The following FBXW5 variants were observed in gnomAD, a reference collection of about 807,000 sequenced individuals.
The protein encoded by FBXW5 is F-box/WD repeat-containing protein 5.
FBXW5 carries 74 observed loss-of-function variants against 50.9 expected under a neutral mutation model. That is an observed-to-expected ratio of 1.45 (90% confidence interval 1.20 to 1.76). The LOEUF (loss-of-function observed/expected upper bound fraction) is 1.76, where lower values mean the gene tolerates loss of function less well. Among genes scored for constraint, FBXW5 ranks in the 40% most tolerant of loss-of-function variants. The pLI is 0.00. For synonymous variants in FBXW5, 523 were observed against 362.2 expected (o/e 1.44, Z -5.04); for missense variants, 1,073 against 818.8 (o/e 1.31, Z -3.79).
At position 136,942,296 on chromosome 9, in the gene FBXW5, C is replaced by T. The variant is rs539302134; in HGVS notation, c.846G>A (p.Leu282=). 3.1e-6 allele frequency: 5 copies of T among 1,593,768 alleles called. No homozygotes were observed. The highest frequency in any genetic ancestry group is 2.3e-5 in the East Asian group (1 of 43,846). ...PATSPCRIFD[L]GSDNEEVVAG... ...CCACCACCTCCTCGTTGTCGCTGCC[C>T]AGGTCAAAGATGCGGCAGGGGGACG... is the stretch of plus-strand genomic sequence containing the variant. Residue 282 remains leucine, a synonymous_variant, in exon 6 of 9, where the codon CTG becomes CTA. Transcript: ENST00000325285.
In FBXW5 at chr9:136,940,494, C is replaced by G. The variant is rs1294344626; in HGVS notation, c.*434G>C. On this transcript the variant is annotated 3_prime_UTR_variant, in exon 9 of 9. Transcript: ENST00000325285. The stretch of plus-strand genomic sequence containing the variant: ...GGGTGGTGCGTGGACATGCAACACA[C>G]TCGGGCCCACAGCAGCGTGACCGGC... 4.0e-6 allele frequency: 1 copy of G among 250,608 alleles called. No individual in the cohort carries two copies. The highest frequency in any genetic ancestry group is 2.2e-5 in the African/African-American group (1 of 45,386). 15.5% of individuals were successfully genotyped at this position (250,608 alleles called of 1,614,324 possible).
chr9:136,942,739 G>C, intron 4 of FBXW5, 30 bp downstream of exon 4: 1 of 1,611,832 alleles, frequency 6.2e-7, no homozygotes, highest in Non-Finnish European at 8.5e-7. Flanking sequence ...CGTGGGGCGG[G>C]GGCAGGGTCA....
chr9:136,941,815 G>A (rs1376944748), intron 6 of FBXW5, 131 bp from the exon 7 acceptor site: 2 of 1,444,188 alleles, frequency 1.4e-6, no homozygotes, highest in Non-Finnish European at 1.8e-6. Flanking sequence ...CCTGCTCCGG[G>A]GGCCCCAGAC....
chr9:136,942,396 A>C lies in FBXW5; in HGVS notation c.746T>G (p.Val249Gly). The C allele has an allele frequency of 6.2e-7, 1 of 1,611,204 alleles. No homozygotes were observed. Among genetic ancestry groups the C allele is most frequent in the Non-Finnish European group, 8.5e-7 (1 of 1,178,878 alleles). Residue 249 changes from valine to glycine, a missense_variant, in exon 6 of 9, where the codon GTC (valine) becomes GGC (glycine). Transcript: ENST00000325285. Reference sequence around the variant, plus strand: ...GCAGTCGGCCACCATCACCGTGCGGACGGTGCTGGCATTGAGGTTCTGGAT... The same window carrying C: ...GCAGTCGGCCACCATCACCGTGCGGCCGGTGCTGGCATTGAGGTTCTGGAT... Reference protein sequence around the residue: ...FKIQNLNASTVRTVMVADCSR... With the variant: ...FKIQNLNASTGRTVMVADCSR...
Position 136,941,433 on chromosome 9 carries a change from G to A in FBXW5, c.1275C>T (p.Pro425=). ...RYLYVNSRAW[P]NGAVVADPMQ... ...TGGGGTCGGCCACCACCGCACCGTT[G>A]GGCCAGGCGCGGCTGTTCACGTACA... Residue 425 remains proline, a synonymous_variant, in exon 8 of 9, where the codon CCC becomes CCT. Transcript: ENST00000325285. The A allele has an allele frequency of 1.9e-6, 3 of 1,609,038 alleles. No homozygotes were observed. Among genetic ancestry groups the A allele is most frequent in the Non-Finnish European group, 1.7e-6 (2 of 1,179,862 alleles).
Position 136,942,039 on chromosome 9 carries a change from G to A in FBXW5, c.1096+7C>T, listed in dbSNP as rs1387280694. The A allele has an allele frequency of 6.2e-7, 1 of 1,600,532 alleles. No individual in the cohort carries two copies. Among genetic ancestry groups the A allele is most frequent in the Non-Finnish European group, 8.5e-7 (1 of 1,170,436 alleles). ...CCGAGGCGGGCAGCATGGCGGCAGGGGTGTACCGATCTGGTGTGGGGAGTA... is the reference window on the plus strand; with the variant it reads ...CCGAGGCGGGCAGCATGGCGGCAGGAGTGTACCGATCTGGTGTGGGGAGTA... On this transcript the variant is annotated splice_region_variant and intron_variant, in intron 6 of 8. Transcript: ENST00000325285.
rs970558782 is a variant in FBXW5, at chr9:136,942,967, T to C, written c.352-24A>G. The C allele has an allele frequency of 1.4e-5, 23 of 1,611,702 alleles. No homozygotes were observed. The Middle Eastern group carries it at 8.3e-4, about 58-fold the overall frequency. Reference sequence around the variant, plus strand: ...ATCTGTTCGGCAGGGGCGGCTGTAGTGATCGCCTGGCCAGGTCGCGGGGCG... The same window carrying C: ...ATCTGTTCGGCAGGGGCGGCTGTAGCGATCGCCTGGCCAGGTCGCGGGGCG... On this transcript the variant is annotated intron_variant, in intron 3 of 8. Transcript: ENST00000325285.
At chr9:136,943,848 C>A (rs1237981502) in intron 2 of FBXW5, 43 bp downstream of exon 2, 2 of 1,540,648 alleles carry the variant, frequency 1.3e-6, no homozygotes, top group Admixed American at 4.0e-5. Flanking sequence ...GGGCCCGGGG[C>A]CCTGGCTGCA....
intron 3 of FBXW5, 101 bp downstream of exon 3, chr9:136,943,248 A>C (rs1379503881): frequency 0.021 from 14,748 of 712,832 alleles, no homozygotes; most frequent in South Asian, 0.027. Context: ...GGCCTGACCC[A>C]CCCCCCCCCC....
At chr9:136,943,544 T>A in intron 2 of FBXW5, 38 bp from the exon 3 acceptor site, 1 of 1,579,612 alleles carries the variant, frequency 6.3e-7, no homozygotes, top group Admixed American at 1.7e-5. Context: ...GCCCGGGCCT[T>A]CCTCGCAGTC....
chr9:136,941,927 G>A, intron 6 of FBXW5, 119 bp downstream of exon 6: 3 of 1,446,502 alleles, frequency 2.1e-6, no homozygotes, highest in Non-Finnish European at 2.7e-6. Context: ...GACCCCAGGG[G>A]CGAGTGAACG....
Position 136,940,762 on chromosome 9 carries a change from A to T in FBXW5, c.*166T>A. Reference sequence around the variant, plus strand: ...CACTGGCCACCCCGTGCCAAGCATCACAGCTGCGTGAGCAGGTTTGTGTGT... The same window carrying T: ...CACTGGCCACCCCGTGCCAAGCATCTCAGCTGCGTGAGCAGGTTTGTGTGT... On this transcript the variant is annotated 3_prime_UTR_variant, in exon 9 of 9. Transcript: ENST00000325285. The T allele has an allele frequency of 8.6e-7, 1 of 1,163,258 alleles. No individual in the cohort carries two copies. The highest frequency in any genetic ancestry group is 1.2e-6 in the Non-Finnish European group (1 of 848,286). The allele number at this position is 1,163,258 out of a possible 1,614,324, so 72.1% of individuals were successfully genotyped here.
Position 136,942,319 on chromosome 9 carries a change from A to G in FBXW5, c.823T>C (p.Ser275Pro), listed in dbSNP as rs1850808872. ...LLLEAGDPATSPCRIFDLGSD... is the reference protein window; with the variant it reads ...LLLEAGDPATPPCRIFDLGSD... Reference sequence around the variant, plus strand: ...CCCAGGTCAAAGATGCGGCAGGGGGACGTGGCCGGGTCACCGGCTTCCAGC... The same window carrying G: ...CCCAGGTCAAAGATGCGGCAGGGGGGCGTGGCCGGGTCACCGGCTTCCAGC... Residue 275 changes from serine (S) to proline (P), a missense_variant, in exon 6 of 9, where the codon TCC (serine) becomes CCC (proline). Ser to Pro is a moderately conservative substitution (Grantham distance 74). Transcript: ENST00000325285. 2 of 1,597,868 alleles carry G rather than the reference A, an allele frequency of 1.3e-6. No homozygotes were observed.
In FBXW5 at chr9:136,940,987, G is replaced by A. The variant is rs747866722; in HGVS notation, c.1642C>T (p.Gln548Ter). 1.9e-6 allele frequency: 3 copies of A among 1,558,800 alleles called. No individual in the cohort carries two copies. Among genetic ancestry groups the A allele is most frequent in the Admixed American group, 1.9e-5 (1 of 52,368 alleles). The change falls in exon 9 of 9, where the codon CAG (glutamine) becomes TAG (stop). Residue 548 changes from glutamine to a stop codon, truncating the protein, a stop_gained. Transcript: ENST00000325285. LOFTEE classifies it high-confidence loss of function. The part of the protein sequence containing the change: ...WRSPRTMRVL[Q>*]APRPRPRTFF... ...GTGCGAGGCCGTGGGCGAGGTGCCTGGAGGACGCGCATGGTGCGTGGGGAG... is the reference window on the plus strand; with the variant it reads ...GTGCGAGGCCGTGGGCGAGGTGCCTAGAGGACGCGCATGGTGCGTGGGGAG...
In FBXW5 at chr9:136,942,154, G is replaced by A. The variant is rs1850797542; in HGVS notation, c.988C>T (p.Leu330=). The A allele has an allele frequency of 6.2e-7, 1 of 1,606,334 alleles. No homozygotes were observed. Among genetic ancestry groups the A allele is most frequent in the African/African-American group, 1.3e-5 (1 of 74,850 alleles). The change falls in exon 6 of 9, where the codon CTG becomes TTG. Residue 330 remains leucine (L), a synonymous_variant. Coordinates refer to ENST00000325285, the MANE Select transcript of FBXW5 (RefSeq NM_018998.4). ...ERMLETKVAE[L]LAQGHTKPPE... ...GGCTTGGTGTGGCCCTGGGCCAGCA[G>A]CTCGGCCACCTTGGTCTCTAGCATG...
In FBXW5 at chr9:136,942,708, CGGGGCTGGACAGGCTGTCGGCGTGGGGCG is replaced by C; in HGVS notation, c.526+32_527-14del. On this transcript the variant is annotated splice_polypyrimidine_tract_variant and intron_variant, in intron 4 of 8. Transcript: ENST00000325285. ...AGCGCGAAGGAGTCTGTGGGGAGGCCGGGGCTGGACAGGCTGTCGGCGTGGGGCGGGGGCAGGGTCAACCCGCCGCCCGT... is the reference window on the plus strand; with the variant it reads ...AGCGCGAAGGAGTCTGTGGGGAGGCCGGGGCAGGGTCAACCCGCCGCCCGT... The C allele has an allele frequency of 2.5e-6, 4 of 1,610,028 alleles. 1 individual carries two copies. In the South Asian group the frequency reaches 4.4e-5, roughly 18 times the overall value.
rs749216706 is a variant in FBXW5, at chr9:136,941,132, G to C, written c.1497C>G (p.His499Gln). 13 of 1,598,802 alleles carry C rather than the reference G, an allele frequency of 8.1e-6. No homozygotes were observed. The African/African-American group carries it at 1.2e-4, about 15-fold the overall frequency. Residue 499 changes from histidine (H) to glutamine (Q), a missense_variant, in exon 9 of 9, where the codon CAC becomes CAG. His to Gln is a conservative substitution (Grantham distance 24, BLOSUM62 0). Coordinates refer to ENST00000325285, the MANE Select transcript of FBXW5 (RefSeq NM_018998.4). ...GCAGCCTGGCCAGACAGATGTTGTA[G>C]TGGCGGTCCCAGATGTAGCCGTGCC... Reference protein sequence around the residue: ...EDRHGYIWDRHYNICLARLRH... With the variant: ...EDRHGYIWDRQYNICLARLRH...
chr9:136,944,163 GGC>G, intron 1 of FBXW5, 57 bp from the exon 2 acceptor site: 7 of 1,468,732 alleles, frequency 4.8e-6, no homozygotes, highest in Non-Finnish European at 6.4e-6. Context: ...GCCGAGAGCG[GGC>G]GTCCTGTTCC....
At chr9:136,943,641 T>A in intron 2 of FBXW5, 135 bp from the exon 3 acceptor site, 3 of 1,274,212 alleles carry the variant, frequency 2.4e-6, no homozygotes, top group Non-Finnish European at 3.2e-6. Flanking sequence ...AGGCCTCGGC[T>A]GGGGGATTCA....
Sources: allele counts gnomAD v4.1 joint callset, GRCh38; gene constraint gnomAD v4.1.1; transcripts MANE v1.5; gene names NCBI Gene and HGNC (gene_info 2026-07-23, HGNC 2026-07-21).